The following SLC16A10 variants were observed in gnomAD, a reference collection of about 807,000 sequenced individuals.
SLC16A10 encodes solute carrier family 16 member 10, also known as monocarboxylate transporter 10.
A neutral mutation model predicts 40.0 loss-of-function variants in SLC16A10; 27 were observed. The observed-to-expected ratio is 0.67, with a 90% CI of 0.50 to 0.93. The LOEUF is 0.93. Among genes scored for constraint, SLC16A10 ranks in the 40% least tolerant of loss-of-function variants. The probability of loss-of-function intolerance (pLI) is 0.00; values close to 1 mark genes in which losing one functional copy is unlikely to be tolerated. For synonymous variants in SLC16A10, 213 were observed against 249.8 expected, an observed-to-expected ratio of 0.85 and a Z score of 1.39; for missense variants, 529 against 658.2, an observed-to-expected ratio of 0.80 and a Z score of 2.15.
intron 1 of SLC16A10, among the ~76,000 whole-genome samples, chr6:111,088,567 T>G (rs546898759): frequency 6.6e-6 from 1 of 152,114 alleles, no homozygotes; most frequent in East Asian, 1.9e-4. Context: ...GGGTGGAGTT[T>G]GGAGGAATGA....
At position 111,177,567 on chromosome 6, in the gene SLC16A10, A is replaced by G; in HGVS notation, c.844A>G (p.Ile282Val). 6.2e-7 allele frequency: 1 copy of G among 1,612,392 alleles called. No homozygotes were observed. The highest frequency in any genetic ancestry group is 1.1e-5 in the South Asian group (1 of 90,956). The change falls in exon 3 of 6, where the codon ATT (isoleucine) becomes GTT (valine). Residue 282 changes from isoleucine to valine, a missense_variant. Ile to Val is a conservative substitution (Grantham distance 29). Transcript: ENST00000368851. Reference protein sequence around the residue: ...SRKKFSPPKKIFNFAIFKVTA... With the variant: ...SRKKFSPPKKVFNFAIFKVTA... ...GAAAAAGTTCAGTCCTCCAAAAAAA[A>G]TTTTCAATTTTGCCATCTTCAAGGT... is the stretch of plus-strand genomic sequence containing the variant.
At chr6:111,104,507 T>C (rs911839802) in intron 1 of SLC16A10, among the ~76,000 whole-genome samples, 1 of 152,206 alleles carries the variant, frequency 6.6e-6, no homozygotes, top group African/African-American at 2.4e-5. Context: ...CATTTTGTAT[T>C]GTGCCCCACA....
intron 1 of SLC16A10, among the ~76,000 whole-genome samples, chr6:111,112,326 T>C (rs1459264767): frequency 6.6e-6 from 1 of 152,206 alleles, no homozygotes; most frequent in Admixed American, 6.5e-5. Context: ...TGAGCCACCG[T>C]GCCTGGCCAG....
At chr6:111,201,370 TCTA>T (rs1420966495) in intron 3 of SLC16A10, among the ~76,000 whole-genome samples, 1 of 152,190 alleles carries the variant, frequency 6.6e-6, no homozygotes, top group Non-Finnish European at 1.5e-5. Flanking sequence ...TCCCACAGTC[TCTA>T]CTCCTCCCTG....
intron 3 of SLC16A10, among the ~76,000 whole-genome samples, chr6:111,202,923 A>G (rs1773195693): frequency 7.0e-6 from 1 of 142,456 alleles, no homozygotes; most frequent in African/African-American, 2.6e-5. Flanking sequence ...AAAAAAAAAG[A>G]TGAATTCCTG....
intron 1 of SLC16A10, among the ~76,000 whole-genome samples, chr6:111,109,595 C>T (rs1472154079): frequency 6.6e-6 from 1 of 151,936 alleles, no homozygotes; most frequent in Admixed American, 6.6e-5. Flanking sequence ...ACTGGGACCA[C>T]AGGTGTGTGC....
At chr6:111,120,464 T>C (rs1771563562) in intron 1 of SLC16A10, among the ~76,000 whole-genome samples, 1 of 152,240 alleles carries the variant, frequency 6.6e-6, no homozygotes, top group South Asian at 2.1e-4. Context: ...ATTCTGTTAA[T>C]GTGTGCATCC....
At chr6:111,214,156 C>T (rs1773386150) in intron 4 of SLC16A10, among the ~76,000 whole-genome samples, 1 of 152,122 alleles carries the variant, frequency 6.6e-6, no homozygotes, top group South Asian at 2.1e-4. Context: ...ATAGCCTGTA[C>T]TATTATAACA....
chr6:111,209,470 TA>T (rs990472676), intron 4 of SLC16A10, among the ~76,000 whole-genome samples: 185 of 151,850 alleles, frequency 1.2e-3, no homozygotes, highest in African/African-American at 4.3e-3. Context: ...TTTTTTAAAT[TA>T]AAAAAAAATT....
chr6:111,113,121 A>G (rs1480467638), intron 1 of SLC16A10, among the ~76,000 whole-genome samples: 2 of 152,248 alleles, frequency 1.3e-5, no homozygotes, highest in African/African-American at 4.8e-5. Flanking sequence ...CTATTAACAA[A>G]TTAAATAATT....
chr6:111,143,745 T>A (rs1204702056), intron 1 of SLC16A10, among the ~76,000 whole-genome samples: 1 of 152,190 alleles, frequency 6.6e-6, no homozygotes, highest in African/African-American at 2.4e-5. Context: ...GTGAAATGTC[T>A]CTGATACAGT....
chr6:111,134,425 T>A (rs138230826), intron 1 of SLC16A10, among the ~76,000 whole-genome samples: 1 of 152,284 alleles, frequency 6.6e-6, no homozygotes, highest in African/African-American at 2.4e-5. Context: ...CTCAGTCAGC[T>A]GCAGATATTA....
At chr6:111,206,992 C>T (rs1380499843) in intron 4 of SLC16A10, among the ~76,000 whole-genome samples, 2 of 152,156 alleles carry the variant, frequency 1.3e-5, no homozygotes, top group African/African-American at 4.8e-5. Flanking sequence ...CCACACCAGG[C>T]TAATTTTTGT....
Sources: allele counts gnomAD v4.1 joint callset (sites outside exome capture counted in the v4.1 genomes callset), GRCh38; gene constraint gnomAD v4.1.1; transcripts MANE v1.5; gene names NCBI Gene and HGNC (gene_info 2026-07-23, HGNC 2026-07-21).